The following HYDIN variants were observed in gnomAD, a reference collection of about 807,000 sequenced individuals.
The protein encoded by HYDIN is HYDIN axonemal central pair apparatus protein, also known as axonemal central pair apparatus protein HYDIN.
A neutral mutation model predicts 403.9 loss-of-function variants in HYDIN; 132 were observed. The observed-to-expected ratio is 0.33, with a 90% CI of 0.28 to 0.38. The LOEUF (loss-of-function observed/expected upper bound fraction) is 0.38, where lower values mean the gene tolerates loss of function less well. HYDIN is among the 10% of genes least tolerant of loss of function. The pLI, the probability that HYDIN is intolerant of heterozygous loss-of-function variation, is 1.00. For missense variants in HYDIN, 2,827 were observed against 5,009.5 expected, an observed-to-expected ratio of 0.56 and a Z score of 13.15; for synonymous variants, 1,202 against 1,891.7, an observed-to-expected ratio of 0.64 and a Z score of 9.46.
At chr16:70,875,144 G>A (rs1251132451) in intron 62 of HYDIN, among the ~76,000 whole-genome samples, 1 of 151,662 alleles carries the variant, frequency 6.6e-6, no homozygotes, top group Non-Finnish European at 1.5e-5. Flanking sequence ...GTGAGGAACT[G>A]GAGGTCCAAG....
intron 1 of HYDIN, among the ~76,000 whole-genome samples, chr16:71,221,280 G>C (rs1266104320): frequency 1.3e-5 from 2 of 151,428 alleles, no homozygotes; most frequent in Admixed American, 6.6e-5. Context: ...AACCCTGAAA[G>C]GTTAGAATCA....
intron 28 of HYDIN, among the ~76,000 whole-genome samples, chr16:70,982,090 T>C (rs1301243725): frequency 7.1e-6 from 1 of 140,014 alleles, no homozygotes; most frequent in Non-Finnish European, 1.5e-5. Context: ...ATCGCGCCAC[T>C]GCACTCCAAC....
intron 18 of HYDIN, among the ~76,000 whole-genome samples, chr16:71,040,989 GTATTGTTT>G (rs2081269728): frequency 1.3e-5 from 2 of 151,054 alleles, no homozygotes; most frequent in African/African-American, 4.9e-5. Context: ...TAACCCAGCT[GTATTGTTT>G]GTATATTTGT....
intron 85 of HYDIN, among the ~76,000 whole-genome samples, chr16:70,809,169 C>T (rs991200999): frequency 6.6e-6 from 1 of 152,202 alleles, no homozygotes; most frequent in African/African-American, 2.4e-5. Flanking sequence ...CCCACCTGAG[C>T]CTCCCAAAGT....
At chr16:71,226,569 A>G (rs896622704) in intron 1 of HYDIN, among the ~76,000 whole-genome samples, 1 of 152,240 alleles carries the variant, frequency 6.6e-6, no homozygotes, top group African/African-American at 2.4e-5. Flanking sequence ...AAAAATTAGT[A>G]AGATTAGACT....
Position 70,964,879 on chromosome 16 carries a change from C to T in HYDIN, c.5637G>A (p.Lys1879=). 6.2e-7 allele frequency: 1 copy of T among 1,613,754 alleles called. No homozygotes were observed. The highest frequency in any genetic ancestry group is 8.5e-7 in the Non-Finnish European group (1 of 1,179,958). ...GCAGGGTGTTGTAGGAATCATAGCC[C>T]TTCAGCTTCCGCAAGATCTGCTCGA... ...LIEEKILRKL[K]GYDSYNTLLL... is the part of the protein sequence containing the mutation. Residue 1879 remains lysine (K), a synonymous_variant, in exon 37 of 86, where the codon AAG becomes AAA. Transcript: ENST00000393567.
At chr16:71,107,711 A>C (rs1289633267) in intron 10 of HYDIN, among the ~76,000 whole-genome samples, 2 of 152,028 alleles carry the variant, frequency 1.3e-5, no homozygotes, top group Non-Finnish European at 2.9e-5. Flanking sequence ...GAACACTTAT[A>C]CACTGTTGGT....
intron 23 of HYDIN, among the ~76,000 whole-genome samples, chr16:71,003,469 G>A (rs911191092): frequency 6.3e-5 from 9 of 143,538 alleles, no homozygotes; most frequent in East Asian, 2.0e-4. Context: ...TTTTTTTACC[G>A]CATTCTATTT....
At chr16:70,892,601 A>G in intron 55 of HYDIN, 72 bp from the exon 56 acceptor site, 1 of 1,522,002 alleles carries the variant, frequency 6.6e-7, no homozygotes. Flanking sequence ...AGGAGACTCT[A>G]GATGGTTGAG....
intron 23 of HYDIN, among the ~76,000 whole-genome samples, chr16:70,992,580 A>T (rs2079393820): frequency 6.7e-6 from 1 of 148,898 alleles, no homozygotes; most frequent in Admixed American, 6.7e-5. Flanking sequence ...CGGCATGGTC[A>T]TGAATGAATG....
At chr16:71,069,064 A>T (rs934668670) in intron 14 of HYDIN, among the ~76,000 whole-genome samples, 1 of 151,266 alleles carries the variant, frequency 6.6e-6, no homozygotes, top group Non-Finnish European at 1.5e-5. Context: ...GATTAAGGTA[A>T]AGCCACTGGC....
intron 20 of HYDIN, among the ~76,000 whole-genome samples, chr16:71,026,653 A>G (rs1231771681): frequency 6.6e-6 from 1 of 152,252 alleles, no homozygotes; most frequent in African/African-American, 2.4e-5. Context: ...AGAGAGAAGG[A>G]ACACATTATC....
chr16:71,106,540 C>T (rs536220922), intron 10 of HYDIN, among the ~76,000 whole-genome samples: 39 of 152,272 alleles, frequency 2.6e-4, no homozygotes, highest in Non-Finnish European at 4.7e-4. Flanking sequence ...CCTCTTTCTA[C>T]TCATGGTGCC....
chr16:71,042,305 C>T (rs1458582606), intron 18 of HYDIN, among the ~76,000 whole-genome samples: 1 of 152,196 alleles, frequency 6.6e-6, no homozygotes, highest in African/African-American at 2.4e-5. Flanking sequence ...CAACACAGTC[C>T]ACCACTGTCA....
intron 7 of HYDIN, among the ~76,000 whole-genome samples, chr16:71,140,983 A>G (rs9924525): frequency 0.33 from 48,951 of 149,008 alleles, 8,439 homozygotes; most frequent in East Asian, 0.58. Context: ...AGATCTAAGG[A>G]AAAAAAATGG....
intron 52 of HYDIN, among the ~76,000 whole-genome samples, chr16:70,902,704 A>G (rs1308893097): frequency 2.0e-5 from 3 of 147,442 alleles, no homozygotes; most frequent in East Asian, 4.0e-4. Flanking sequence ...GGCTATAACT[A>G]TATTTATCCA....
intron 80 of HYDIN, among the ~76,000 whole-genome samples, chr16:70,830,679 G>A (rs1301597703): frequency 6.6e-6 from 1 of 150,960 alleles, no homozygotes; most frequent in East Asian, 2.0e-4. Flanking sequence ...GTACTTGGAA[G>A]AGCCAATAGC....
intron 23 of HYDIN, among the ~76,000 whole-genome samples, chr16:71,010,551 T>G (rs2080047657): frequency 6.6e-6 from 1 of 151,374 alleles, no homozygotes; most frequent in Non-Finnish European, 1.5e-5. Flanking sequence ...CTTAGCATCC[T>G]CACCACATTC....
rs1042724008 is a variant in HYDIN at position 70,947,330 on chromosome 16, G to A, written c.6532-3381C>T. On this transcript the variant is annotated intron_variant, in intron 41 of 85. Coordinates refer to ENST00000393567, the MANE Select transcript of HYDIN (RefSeq NM_001270974.2). ...TTTTTGTCTTTGGTTCTGTTTATAT[G>A]CTGTATTACATTTACTGATTTGCGT... Among the ~76,000 whole-genome samples the A allele has an allele frequency of 1.1e-4, 16 of 151,562 alleles. No individual in the cohort carries two copies. The South Asian group carries it at 3.1e-3, about 30-fold the overall frequency.
Sources: allele counts gnomAD v4.1 joint callset (sites outside exome capture counted in the v4.1 genomes callset), GRCh38; gene constraint gnomAD v4.1.1; transcripts MANE v1.5; gene names NCBI Gene and HGNC (gene_info 2026-07-23, HGNC 2026-07-21).